The following PBXIP1 variants were observed in gnomAD, a reference collection of about 807,000 sequenced individuals.
PBXIP1 encodes PBX homeobox interacting protein 1.
Under a neutral mutation model 73.7 loss-of-function variants are expected in PBXIP1, and 73 were observed. That is an observed-to-expected ratio of 0.99 (90% CI 0.82 to 1.20). The LOEUF (loss-of-function observed/expected upper bound fraction) is 1.20. Among genes scored for constraint, PBXIP1 ranks in the 50% most tolerant of loss-of-function variants. PBXIP1 has a pLI of 0.00. For missense variants in PBXIP1, 818 were observed against 911.4 expected (o/e 0.90, Z 1.32); for synonymous variants, 330 against 366.9 (o/e 0.90, Z 1.15).
chr1:154,953,690 CA>C lies in PBXIP1; in HGVS notation c.31del (p.Trp11GlyfsTer42). 1 of 1,613,460 alleles carries C rather than the reference CA, an allele frequency of 6.2e-7. No homozygotes were observed. Among genetic ancestry groups the C allele is most frequent in the African/African-American group, 1.3e-5 (1 of 75,028 alleles). On this transcript the variant is annotated frameshift_variant, in exon 2 of 11. Coordinates refer to ENST00000368463, the MANE Select transcript of PBXIP1 (RefSeq NM_020524.4). LOFTEE classifies it high-confidence loss of function. MASCPDSDNS[W>X]VLAGSESLPV... ...TCCTACCTCGGAGCCAGCAAGCACC[CA>C]GCTATTATCAGAGTCTGGGCAGGAG...
In PBXIP1 at chr1:154,945,927, G is replaced by C. The variant is rs564342820; in HGVS notation, c.1747C>G (p.Arg583Gly). Residue 583 changes from arginine (R) to glycine (G), a missense_variant, in exon 10 of 11, where the codon CGG becomes GGG. By Grantham distance (125) the Arg-to-Gly change is moderately radical (BLOSUM62 -2). Coordinates refer to ENST00000368463, the MANE Select transcript of PBXIP1 (RefSeq NM_020524.4). ...SWAELLRPKY[R>G]APQGCSGVDE... ...ACACCTGAGCAGCCCTGGGGTGCCC[G>C]GTACTTGGGCCTCAACAGCTCTGCC... The C allele has an allele frequency of 1.2e-6, 2 of 1,614,188 alleles. No homozygotes were observed. The highest frequency in any genetic ancestry group is 3.3e-5 in the Admixed American group (2 of 60,022).
At position 154,945,643 on chromosome 1, in the gene PBXIP1, A is replaced by G. The variant is rs761217547; in HGVS notation, c.2031T>C (p.Asp677=). 5.0e-6 allele frequency: 8 copies of G among 1,614,170 alleles called. No homozygotes were observed. The South Asian group carries it at 6.6e-5, about 13-fold the overall frequency. ...CCTCAAAGTCATCTACTTCATCATC[A>G]TCACCTGTCTGTTGCACAGCCACCT... The part of the protein sequence containing the change: ...LEEVAVQQTG[D]DDEVDDFEDF... The change falls in exon 10 of 11, where the codon GAT becomes GAC. Residue 677 remains aspartate, a synonymous_variant. Transcript: ENST00000368463.
chr1:154,951,688 G>T lies in PBXIP1; in HGVS notation c.178+107C>A. 1 of 1,439,502 alleles carries T rather than the reference G, an allele frequency of 6.9e-7. No homozygotes were observed. The highest frequency in any genetic ancestry group is 9.7e-7 in the Non-Finnish European group (1 of 1,033,310). The allele number at this position is 1,439,502 out of a possible 1,614,324, so 89.2% of individuals were successfully genotyped here. On this transcript the variant is annotated intron_variant, in intron 3 of 10. Coordinates refer to ENST00000368463, the MANE Select transcript of PBXIP1 (RefSeq NM_020524.4). The surrounding 1 kb of genome is among the most constrained non-coding windows in gnomAD (Gnocchi z 4.3). ...AGGAGTTTGTCAACTGAGATTAATG[G>T]AGGAACTAAAACGAACCAGCCTCCC...
chr1:154,946,808 A>AC lies in PBXIP1; in HGVS notation c.871-6_871-5insG. On this transcript the variant is annotated splice_region_variant and splice_polypyrimidine_tract_variant and intron_variant, in intron 9 of 10. Coordinates refer to ENST00000368463, the MANE Select transcript of PBXIP1 (RefSeq NM_020524.4). ...CTGAAGCTCTTCCTTTTGGGCCTAG[A>AC]ATATGGTTTGGGACAAAGGAAGTCA... The AC allele has an allele frequency of 1.3e-6, 2 of 1,522,812 alleles. No individual in the cohort carries two copies. Among genetic ancestry groups the AC allele is most frequent in the Non-Finnish European group, 8.8e-7 (1 of 1,136,722 alleles). 94.3% of individuals were successfully genotyped at this position (1,522,812 alleles called of 1,614,324 possible). A position where few individuals can be genotyped will look rare whatever the true frequency, so the allele number is the denominator to read the frequency against.
rs751951283 is a variant in PBXIP1, at chr1:154,948,280, C to T, written c.496G>A (p.Glu166Lys). The change falls in exon 6 of 11, where the codon GAG becomes AAG. Residue 166 changes from glutamate (E) to lysine (K), a missense_variant. Glu to Lys is a moderately conservative substitution (Grantham distance 56). Transcript: ENST00000368463. ...MEGLRRRRGR[E>K]AGPPQPMVPL... ...ACCATGGGCTGAGGTGGGCCGGCCT[C>T]CCGGCCCCGCCGTCTCCGCAGACCC... 36 of 1,610,138 alleles carry T rather than the reference C, an allele frequency of 2.2e-5. No homozygotes were observed. The highest frequency in any genetic ancestry group is 3.1e-5 in the Non-Finnish European group (36 of 1,178,582).
Position 154,946,654 on chromosome 1 carries a change from C to A in PBXIP1, c.1020G>T (p.Gly340=). The stretch of plus-strand genomic sequence containing the variant: ...GGCCCCGGACACAGTCGGCCTCCAG[C>A]CCCTGGAGCCGGGCCCGCAGCTGCT... ...ELQQLRARLQ[G]LEADCVRGPD... is the part of the protein sequence containing the mutation. Residue 340 remains glycine, a synonymous_variant, in exon 10 of 11, where the codon GGG becomes GGT. Transcript: ENST00000368463. The A allele has an allele frequency of 1.2e-6, 2 of 1,612,494 alleles. No individual in the cohort carries two copies. Among genetic ancestry groups the A allele is most frequent in the Non-Finnish European group, 1.7e-6 (2 of 1,178,892 alleles).
At chr1:154,949,799 G>A (rs911747692) in intron 5 of PBXIP1, among the ~76,000 whole-genome samples, 17 of 151,730 alleles carry the variant, frequency 1.1e-4, no homozygotes, top group African/African-American at 2.4e-4. Context: ...CTGGGAAGAC[G>A]CCCTGACTAT....
chr1:154,954,376 G>A (rs1056669846), intron 1 of PBXIP1, among the ~76,000 whole-genome samples: 8 of 152,146 alleles, frequency 5.3e-5, no homozygotes, highest in South Asian at 2.1e-4. Context: ...GGGTAGGCCC[G>A]GCTGTGGGTC....
Position 154,947,444 on chromosome 1 carries a change from G to A in PBXIP1, c.843C>T (p.Asp281=), listed in dbSNP as rs1558038350. 1 of 1,614,078 alleles carries A rather than the reference G, an allele frequency of 6.2e-7. No individual in the cohort carries two copies. Among genetic ancestry groups the A allele is most frequent in the South Asian group, 1.1e-5 (1 of 91,080 alleles). Reference sequence around the variant, plus strand: ...GCAGCTGGGCCTGCAGCAGCCGGATGTCCTGGTTCTCCTTGGCCAGCTTGT... The same window carrying A: ...GCAGCTGGGCCTGCAGCAGCCGGATATCCTGGTTCTCCTTGGCCAGCTTGT... ...LLDKLAKENQ[D]IRLLQAQLQA... Residue 281 remains aspartate, a synonymous_variant, in exon 9 of 11, where the codon GAC becomes GAT. Coordinates refer to ENST00000368463, the MANE Select transcript of PBXIP1 (RefSeq NM_020524.4).
intron 7 of PBXIP1, 28 bp from the exon 8 acceptor site, chr1:154,947,740 G>A: frequency 2.5e-6 from 4 of 1,604,622 alleles, no homozygotes; most frequent in Non-Finnish European, 3.4e-6. Context: ...CCTGAAACTG[G>A]TCCTGAGGCA....
intron 9 of PBXIP1, 50 bp downstream of exon 9, chr1:154,947,367 G>C (rs371215760): frequency 6.2e-7 from 1 of 1,607,522 alleles, no homozygotes; most frequent in African/African-American, 1.3e-5. Context: ...TAGGACAGAC[G>C]CCTGGCCTAG....
At chr1:154,952,279 A>G (rs1315181213) in intron 2 of PBXIP1, among the ~76,000 whole-genome samples, 1 of 152,178 alleles carries the variant, frequency 6.6e-6, no homozygotes, top group African/African-American at 2.4e-5. Flanking sequence ...GCAAGAGAAC[A>G]AAGTCCCCTG....
intron 5 of PBXIP1, among the ~76,000 whole-genome samples, chr1:154,950,891 C>G (rs1391188259): frequency 6.6e-6 from 1 of 152,226 alleles, no homozygotes; most frequent in Non-Finnish European, 1.5e-5. Flanking sequence ...CTTACATAGG[C>G]GGTAACCAAC....
chr1:154,947,995 T>C lies in PBXIP1; in HGVS notation c.654A>G (p.Ser218=). 1 of 1,613,526 alleles carries C rather than the reference T, an allele frequency of 6.2e-7. No individual in the cohort carries two copies. The highest frequency in any genetic ancestry group is 1.1e-5 in the South Asian group (1 of 91,044). Residue 218 remains serine, a synonymous_variant, in exon 7 of 11, where the codon TCA becomes TCG. Coordinates refer to ENST00000368463, the MANE Select transcript of PBXIP1 (RefSeq NM_020524.4). ...CTCCCTACTCACCAGTCTCAGACTCTGAGAGGCCACCTAAGGACAGAGACA... is the reference window on the plus strand; with the variant it reads ...CTCCCTACTCACCAGTCTCAGACTCCGAGAGGCCACCTAAGGACAGAGACA... ...LGVLLFSGGL[S]ESETGPMEEV...
Position 154,948,007 on chromosome 1 carries a change from T to G in PBXIP1, c.644-2A>C, listed in dbSNP as rs1654886470. The G allele has an allele frequency of 1.2e-6, 2 of 1,613,104 alleles. No homozygotes were observed. Among genetic ancestry groups the G allele is most frequent in the Middle Eastern group, 1.7e-4 (1 of 6,060 alleles). On this transcript the variant is annotated splice_acceptor_variant, in intron 6 of 10. Transcript: ENST00000368463. LOFTEE classifies it high-confidence loss of function. ...CAGTCTCAGACTCTGAGAGGCCACC[T>G]AAGGACAGAGACAGAGGAGTCTGAT...
chr1:154,945,443 C>G (rs1393563616), intron 10 of PBXIP1, 129 bp downstream of exon 10: 1 of 992,428 alleles, frequency 1.0e-6, no homozygotes, highest in East Asian at 2.4e-5. Context: ...GGAAGCGGAC[C>G]TGAATGCCTT....
Position 154,953,714 on chromosome 1 carries a change from G to A in PBXIP1, c.8C>T (p.Ser3Phe), listed in dbSNP as rs769826612. MA[S>F]CPDSDNSWVL... is the part of the protein sequence containing the mutation. ...CCAGCTATTATCAGAGTCTGGGCAG[G>A]AGGCCATAGTTGCTGAGGTCCCTGA... Residue 3 changes from serine to phenylalanine, a missense_variant, in exon 2 of 11, where the codon TCC becomes TTC. Ser to Phe is a radical substitution (Grantham distance 155, BLOSUM62 -2). Coordinates refer to ENST00000368463, the MANE Select transcript of PBXIP1 (RefSeq NM_020524.4). 5 of 1,613,748 alleles carry A rather than the reference G, an allele frequency of 3.1e-6. No homozygotes were observed. The East Asian group carries it at 8.9e-5, about 29-fold the overall frequency.
chr1:154,951,627 G>T lies in PBXIP1; in HGVS notation c.179-92C>A. 6.9e-7 allele frequency: 1 copy of T among 1,449,600 alleles called. No homozygotes were observed. The highest frequency in any genetic ancestry group is 9.7e-7 in the Non-Finnish European group (1 of 1,035,228). The allele number at this position is 1,449,600 out of a possible 1,614,324, so 89.8% of individuals were successfully genotyped here. On this transcript the variant is annotated intron_variant, in intron 3 of 10. Transcript: ENST00000368463. The surrounding 1 kb of genome is among the most constrained non-coding windows in gnomAD (Gnocchi z 4.3). ...CCATCCCACGGGCCCCTACCAGGTT[G>T]GAAGAGGCAGGAAAAAGCCAGGATG...
rs1373461880 is a variant in PBXIP1 at position 154,946,819 on chromosome 1, G to T, written c.871-16C>A. On this transcript the variant is annotated splice_polypyrimidine_tract_variant and intron_variant, in intron 9 of 10. Coordinates refer to ENST00000368463, the MANE Select transcript of PBXIP1 (RefSeq NM_020524.4). Reference sequence around the variant, plus strand: ...CCTTTTGGGCCTAGAATATGGTTTGGGACAAAGGAAGTCACAAAGAGTTCT... The same window carrying T: ...CCTTTTGGGCCTAGAATATGGTTTGTGACAAAGGAAGTCACAAAGAGTTCT... The T allele has an allele frequency of 1.3e-6, 2 of 1,513,666 alleles. No individual in the cohort carries two copies. Among genetic ancestry groups the T allele is most frequent in the African/African-American group, 1.4e-5 (1 of 71,748 alleles). The allele number at this position is 1,513,666 out of a possible 1,614,324, so 93.8% of individuals were successfully genotyped here. A position where few individuals can be genotyped will look rare whatever the true frequency, so the allele number is the denominator to read the frequency against.
Sources: allele counts gnomAD v4.1 joint callset (sites outside exome capture counted in the v4.1 genomes callset), GRCh38; gene constraint gnomAD v4.1.1; non-coding constraint Gnocchi (gnomAD v3.1); transcripts MANE v1.5; gene names NCBI Gene and HGNC (gene_info 2026-07-23, HGNC 2026-07-21).